Variants in LRP1 observed in about 807,000 individuals in gnomAD.
The protein encoded by LRP1 is LDL receptor related protein 1.
A neutral mutation model predicts 541.5 loss-of-function variants in LRP1; 51 were observed. The observed-to-expected ratio is 0.09, with a 90% CI of 0.08 to 0.12. The LOEUF is 0.12. LRP1 is among the 10% of genes least tolerant of loss of function. The pLI, the probability that LRP1 is intolerant of heterozygous loss-of-function variation, is 1.00. For missense variants in LRP1, 3,878 were observed against 6,376.2 expected, an observed-to-expected ratio of 0.61 and a Z score of 13.34; for synonymous variants, 2,219 against 2,470.8, an observed-to-expected ratio of 0.90 and a Z score of 3.02.
Position 57,193,688 on chromosome 12 carries a change from G to A in LRP1, c.7804+3G>A. ...CTCTGACGAGATCCCTTGCAACAGT[G>A]AGTGAGGCGCACTGGCATAACCCAT... On this transcript the variant is annotated splice_donor_region_variant and intron_variant, in intron 47 of 88. Coordinates refer to ENST00000243077, the MANE Select transcript of LRP1 (RefSeq NM_002332.3). The A allele has an allele frequency of 6.2e-7, 1 of 1,614,174 alleles. No homozygotes were observed. Among genetic ancestry groups the A allele is most frequent in the Non-Finnish European group, 8.5e-7 (1 of 1,180,026 alleles).
At chr12:57,168,138 CTG>C (rs1390876772) in intron 19 of LRP1, 1 of 153,978 alleles carries the variant, frequency 6.5e-6, no homozygotes, top group African/African-American at 2.4e-5. Context: ...CTCACTTTTT[CTG>C]TGTCTCGCAT....
chr12:57,129,068 G>A (rs768755283), intron 1 of LRP1, 37 bp downstream of exon 1: 22 of 1,548,198 alleles, frequency 1.4e-5, no homozygotes, highest in Middle Eastern at 1.7e-4. Flanking sequence ...GACCCCTGGG[G>A]GCACCCTCTC....
intron 23 of LRP1, 75 bp downstream of exon 23, chr12:57,175,780 A>G: frequency 6.5e-7 from 1 of 1,548,714 alleles, no homozygotes; most frequent in Non-Finnish European, 8.7e-7. Flanking sequence ...CTTGGTGGCC[A>G]GGTGCCAAAG....
chr12:57,184,086 C>T lies in LRP1; in HGVS notation c.5931C>T (p.Gly1977=), dbSNP rs1370782458. The change falls in exon 37 of 89, where the codon GGC becomes GGT. Residue 1977 remains glycine, a splice_region_variant and synonymous_variant. Transcript: ENST00000243077. This position sits in a 1 kb window ranked among gnomAD's most constrained non-coding sequence, Gnocchi z 7.8. ...GAGCCCCACCAACTCCCTCCTTAGG[C>T]AACATCTACTGGACAGACCAGGGCT... ...VEGIAVDWIA[G]NIYWTDQGFD... 2 of 1,613,310 alleles carry T rather than the reference C, an allele frequency of 1.2e-6. No individual in the cohort carries two copies. The highest frequency in any genetic ancestry group is 2.2e-5 in the South Asian group (2 of 90,996).
At chr12:57,131,944 T>A (rs1429625109) in intron 1 of LRP1, 1 of 152,398 alleles carries the variant, frequency 6.6e-6, no homozygotes, top group African/African-American at 2.4e-5. Context: ...CCCTTGCACA[T>A]CAGAACCCCC....
In LRP1 at chr12:57,212,098, T is replaced by C. The variant is rs890375054; in HGVS notation, c.13350-19T>C. ...CCCCCCAATAATCTCTGTCTCCTTA[T>C]ACTCCTGCCTTTCCCCAGGGCTAAG... On this transcript the variant is annotated intron_variant, in intron 87 of 88. Transcript: ENST00000243077. This position sits in a 1 kb window ranked among gnomAD's most constrained non-coding sequence, Gnocchi z 5.0. 1.9e-6 allele frequency: 3 copies of C among 1,613,786 alleles called. No homozygotes were observed. Among genetic ancestry groups the C allele is most frequent in the South Asian group, 1.1e-5 (1 of 91,042 alleles).
chr12:57,129,076 C>T (rs778190228), intron 1 of LRP1, 45 bp downstream of exon 1: 24 of 1,531,744 alleles, frequency 1.6e-5, no homozygotes, highest in South Asian at 1.2e-5. Flanking sequence ...GGGGCACCCT[C>T]TCCCCAGCCC....
chr12:57,193,879 C>T lies in LRP1; in HGVS notation c.7805-20C>T, dbSNP rs368996146. The T allele has an allele frequency of 3.1e-5, 50 of 1,608,006 alleles. No individual in the cohort carries two copies. The Admixed American group carries it at 3.7e-4, about 12-fold the overall frequency. On this transcript the variant is annotated intron_variant, in intron 47 of 88. Transcript: ENST00000243077. ...CAGAGAAAACTCTGGCCTGACGATA[C>T]GGGGCGGGCACTGTTCTAGAGACAG...
chr12:57,203,241 G>A lies in LRP1; in HGVS notation c.10772G>A (p.Arg3591His), dbSNP rs1019291598. Residue 3591 changes from arginine (R) to histidine (H), a missense_variant, in exon 69 of 89, where the codon CGC (arginine) becomes CAC (histidine). By Grantham distance (29) the Arg-to-His change is conservative. This residue lies in a region of LRP1 where 278 missense variants were observed against 536.3 expected (regional missense o/e 0.52). Transcript: ENST00000243077. ...GCCAACGGCCGCTGCATCGCGGGGCGCTGGAAATGCGATGGAGACCACGAC... is the reference window on the plus strand; with the variant it reads ...GCCAACGGCCGCTGCATCGCGGGGCACTGGAAATGCGATGGAGACCACGAC... ...SCANGRCIAGRWKCDGDHDCA... is the reference protein window; with the variant it reads ...SCANGRCIAGHWKCDGDHDCA... 11 of 1,611,060 alleles carry A rather than the reference G, an allele frequency of 6.8e-6. No individual in the cohort carries two copies. The highest frequency in any genetic ancestry group is 3.3e-5 in the Admixed American group (2 of 59,834).
chr12:57,143,433 AAC>A (rs1443952367), intron 3 of LRP1, among the ~76,000 whole-genome samples: 1 of 152,204 alleles, frequency 6.6e-6, no homozygotes, highest in African/African-American at 2.4e-5. Flanking sequence ...GAACATCCAG[AAC>A]AGAGACATGT....
At position 57,178,763 on chromosome 12, in the gene LRP1, G is replaced by A; in HGVS notation, c.4607-127G>A. On this transcript the variant is annotated intron_variant, in intron 27 of 88. Coordinates refer to ENST00000243077, the MANE Select transcript of LRP1 (RefSeq NM_002332.3). This position sits in a 1 kb window ranked among gnomAD's most constrained non-coding sequence, Gnocchi z 5.8. ...TTGACAGAGGCACTGTCTAGCAGCA[G>A]AGAAGGGTCTAGTAGTAGCGGCTGC... 1.3e-6 allele frequency: 2 copies of A among 1,510,218 alleles called. No homozygotes were observed. Among genetic ancestry groups the A allele is most frequent in the South Asian group, 1.3e-5 (1 of 79,584 alleles). 93.6% of individuals were successfully genotyped at this position (1,510,218 alleles called of 1,614,324 possible).
chr12:57,143,922 A>G, intron 4 of LRP1, 124 bp downstream of exon 4: 1 of 1,297,712 alleles, frequency 7.7e-7, no homozygotes, highest in African/African-American at 1.5e-5. Flanking sequence ...GGTGCAAGAG[A>G]GGGGGTGCCA....
chr12:57,202,972 G>T, intron 68 of LRP1: 1 of 578,070 alleles, frequency 1.7e-6, no homozygotes, highest in South Asian at 2.2e-5. Flanking sequence ...TCTGGTGTCT[G>T]TCCCATGGGG....
chr12:57,177,229 C>G lies in LRP1; in HGVS notation c.4180C>G (p.Leu1394Val), dbSNP rs780963506. The change falls in exon 25 of 89, where the codon CTG (leucine) becomes GTG (valine). Residue 1394 changes from leucine (L) to valine (V), a missense_variant. Coordinates refer to ENST00000243077, the MANE Select transcript of LRP1 (RefSeq NM_002332.3). The surrounding 1 kb of genome is among the most constrained non-coding windows in gnomAD (Gnocchi z 6.8). ...CATTGAGCACCCAAGGGCAATCGCACTGGATCCCCGGGATGGGTGAGGACC... is the reference window on the plus strand; with the variant it reads ...CATTGAGCACCCAAGGGCAATCGCAGTGGATCCCCGGGATGGGTGAGGACC... Reference protein sequence around the residue: ...GDIEHPRAIALDPRDGILFWT... With the variant: ...GDIEHPRAIAVDPRDGILFWT... 1 of 1,614,170 alleles carries G rather than the reference C, an allele frequency of 6.2e-7. No homozygotes were observed. Among genetic ancestry groups the G allele is most frequent in the Admixed American group, 1.7e-5 (1 of 60,018 alleles).
chr12:57,205,001 T>A lies in LRP1; in HGVS notation c.11195-108T>A, dbSNP rs1036152318. 2 of 1,493,418 alleles carry A rather than the reference T, an allele frequency of 1.3e-6. No homozygotes were observed. Among genetic ancestry groups the A allele is most frequent in the Non-Finnish European group, 1.8e-6 (2 of 1,107,570 alleles). 92.5% of individuals were successfully genotyped at this position (1,493,418 alleles called of 1,614,324 possible). On this transcript the variant is annotated intron_variant, in intron 72 of 88. Transcript: ENST00000243077. This position sits in a 1 kb window ranked among gnomAD's most constrained non-coding sequence, Gnocchi z 4.6. ...ACCCAAATGTTTGACCTGCTCCCCCTGCAAGCCTTGTCACTTAGGAATTGG... is the reference window on the plus strand; with the variant it reads ...ACCCAAATGTTTGACCTGCTCCCCCAGCAAGCCTTGTCACTTAGGAATTGG...
In LRP1 at chr12:57,200,713, C is replaced by T. The variant is rs1269865839; in HGVS notation, c.10123C>T (p.Arg3375Trp). 4 of 1,613,874 alleles carry T rather than the reference C, an allele frequency of 2.5e-6. No homozygotes were observed. Among genetic ancestry groups the T allele is most frequent in the South Asian group, 1.1e-5 (1 of 91,076 alleles). Residue 3375 changes from arginine (R) to tryptophan (W), a missense_variant, in exon 64 of 89, where the codon CGG becomes TGG. Physicochemically the swap from Arg to Trp is moderately radical, Grantham distance 101. Coordinates refer to ENST00000243077, the MANE Select transcript of LRP1 (RefSeq NM_002332.3). ...CTCTCTGGCAGCTGAGTTCAAGTGC[C>T]GGCCCGGACAGTTCCAGTGCTCCAC... The part of the protein sequence containing the change: ...EPPDCPEFKC[R>W]PGQFQCSTGI...
At chr12:57,141,602 A>T (rs779477674) in intron 3 of LRP1, 91 bp downstream of exon 3, 3 of 1,506,142 alleles carry the variant, frequency 2.0e-6, no homozygotes, top group Non-Finnish European at 1.8e-6. Flanking sequence ...TTCAGTGGGG[A>T]TGAGGCCTTG....
rs1411685690 is a variant in LRP1, at chr12:57,183,406, T to C, written c.5690T>C (p.Val1897Ala). The part of the protein sequence containing the change: ...EGVGSFLLYS[V>A]HEGIRGIPLD... ...GTAGGTTCCTTTCTCCTGTACTCTG[T>C]GCATGAGGGAATCAGGGGAATTCCC... is the stretch of plus-strand genomic sequence containing the variant. Residue 1897 changes from valine to alanine, a missense_variant, in exon 35 of 89, where the codon GTG (valine) becomes GCG (alanine). This residue lies in a region of LRP1 where 394 missense variants were observed against 635.9 expected (regional missense o/e 0.62). Transcript: ENST00000243077. The surrounding 1 kb of genome is among the most constrained non-coding windows in gnomAD (Gnocchi z 6.1). 11 of 1,613,874 alleles carry C rather than the reference T, an allele frequency of 6.8e-6. No homozygotes were observed. The highest frequency in any genetic ancestry group is 1.3e-5 in the African/African-American group (1 of 74,934).
chr12:57,211,444 G>A lies in LRP1; in HGVS notation c.13092-43G>A, dbSNP rs371554240. On this transcript the variant is annotated intron_variant, in intron 84 of 88. Coordinates refer to ENST00000243077, the MANE Select transcript of LRP1 (RefSeq NM_002332.3). This position sits in a 1 kb window ranked among gnomAD's most constrained non-coding sequence, Gnocchi z 4.3. ...CTCCCTTCCTCAGCATCCCAGGCAC[G>A]CCTCTGCCAGCCCCAGCCCCAGCCT... The A allele has an allele frequency of 3.8e-5, 61 of 1,609,418 alleles. No individual in the cohort carries two copies. Among genetic ancestry groups the A allele is most frequent in the Non-Finnish European group, 4.6e-5 (54 of 1,178,106 alleles).
Sources: allele counts gnomAD v4.1 joint callset (sites outside exome capture counted in the v4.1 genomes callset), GRCh38; gene constraint gnomAD v4.1.1; regional missense constraint gnomAD v4.1.1; non-coding constraint Gnocchi (gnomAD v3.1); transcripts MANE v1.5; gene names NCBI Gene and HGNC (gene_info 2026-07-23, HGNC 2026-07-21).